Variants in SH3KBP1 observed in about 807,000 individuals in gnomAD.
The protein encoded by SH3KBP1 is SH3 domain-containing kinase-binding protein 1.
Under a neutral mutation model 50.1 loss-of-function variants are expected in SH3KBP1, and 8 were observed. That is an observed-to-expected ratio of 0.16 (90% CI 0.09 to 0.29). SH3KBP1 has a LOEUF of 0.29. Ranked by LOEUF, SH3KBP1 falls within the 10% of genes least tolerant of loss-of-function variation. The probability of loss-of-function intolerance (pLI) is 1.00; values close to 1 mark genes in which losing one functional copy is unlikely to be tolerated. For missense variants in SH3KBP1, 377 were observed against 535.2 expected (o/e 0.70, Z 2.92); for synonymous variants, 227 against 218.6 (o/e 1.04, Z -0.34).
chrX:19,614,681 T>C (rs1237516503), intron 8 of SH3KBP1, among the ~76,000 whole-genome samples: 1 of 111,721 alleles, frequency 9.0e-6, no homozygotes, highest in Non-Finnish European at 1.9e-5. Flanking sequence ...CAAGCTTTAA[T>C]GTGCATGCTT....
intron 3 of SH3KBP1, among the ~76,000 whole-genome samples, chrX:19,714,299 A>G (rs1424141818): frequency 9.0e-6 from 1 of 111,725 alleles, no homozygotes; most frequent in Non-Finnish European, 1.9e-5. Flanking sequence ...ACAGGATGAT[A>G]TAGTCAATAA....
intron 8 of SH3KBP1, among the ~76,000 whole-genome samples, chrX:19,624,294 CTG>C (rs1215509902): frequency 1.8e-5 from 2 of 109,850 alleles, no homozygotes; most frequent in African/African-American, 3.3e-5. Context: ...TTTTTTTTTT[CTG>C]TGTGTTGCAG....
intron 2 of SH3KBP1, among the ~76,000 whole-genome samples, chrX:19,810,370 C>T (rs2067169217): frequency 8.9e-6 from 1 of 112,516 alleles, no homozygotes; most frequent in Non-Finnish European, 1.9e-5. Context: ...TGAATGAAGA[C>T]AGGACTAAAT....
At chrX:19,605,306 T>G (rs913512200) in intron 9 of SH3KBP1, among the ~76,000 whole-genome samples, 8 of 111,786 alleles carry the variant, frequency 7.2e-5, no homozygotes, top group African/African-American at 2.6e-4. Flanking sequence ...CATATGGTAA[T>G]TAGCTAGATT....
chrX:19,539,908 C>T (rs1325707308), intron 16 of SH3KBP1, among the ~76,000 whole-genome samples: 1 of 111,794 alleles, frequency 8.9e-6, no homozygotes, highest in South Asian at 3.8e-4. Context: ...TTCCCACCAA[C>T]TATTTGCAGG....
At chrX:19,715,898 T>A (rs1442179144) in intron 3 of SH3KBP1, among the ~76,000 whole-genome samples, 1 of 110,691 alleles carries the variant, frequency 9.0e-6, no homozygotes, top group Non-Finnish European at 1.9e-5. Flanking sequence ...TATGATTCAT[T>A]AACAAACACT....
intron 2 of SH3KBP1, among the ~76,000 whole-genome samples, chrX:19,812,429 C>T (rs771458448): frequency 4.5e-5 from 5 of 111,108 alleles, no homozygotes; most frequent in East Asian, 5.6e-4. Context: ...CCTTAGCCTG[C>T]GAGTGGGGCA....
intron 2 of SH3KBP1, among the ~76,000 whole-genome samples, chrX:19,764,723 C>T (rs757097794): frequency 9.0e-6 from 1 of 110,531 alleles, no homozygotes; most frequent in Admixed American, 9.7e-5. Context: ...AGTCCTATGT[C>T]GGGGGTAGTG....
At chrX:19,708,443 T>C (rs916189298) in intron 3 of SH3KBP1, among the ~76,000 whole-genome samples, 1 of 111,967 alleles carries the variant, frequency 8.9e-6, no homozygotes, top group Non-Finnish European at 1.9e-5. Flanking sequence ...TAGATGCTGA[T>C]GGCACTGTCA....
intron 1 of SH3KBP1, among the ~76,000 whole-genome samples, chrX:19,856,507 T>C (rs1278916131): frequency 1.8e-5 from 2 of 111,906 alleles, no homozygotes; most frequent in African/African-American, 6.5e-5. Flanking sequence ...CTTCCTTTTC[T>C]CACCTCGAAT....
Position 19,608,062 on chromosome X carries a change from C to T in SH3KBP1, c.898-17G>A. 8.4e-7 allele frequency: 1 copy of T among 1,185,800 alleles called. No individual in the cohort carries two copies. Among genetic ancestry groups the T allele is most frequent in the Non-Finnish European group, 1.1e-6 (1 of 873,532 alleles). ...GATGCAGTCCTAGAAAACAGGAGAA[C>T]AGAGAGTGAGAGATGGGGGCAAGCA... On this transcript the variant is annotated splice_polypyrimidine_tract_variant and intron_variant, in intron 8 of 17. Coordinates refer to ENST00000397821, the MANE Select transcript of SH3KBP1 (RefSeq NM_031892.3).
At chrX:19,864,316 AC>A (rs112503138) in intron 1 of SH3KBP1, among the ~76,000 whole-genome samples, 2 of 109,304 alleles carry the variant, frequency 1.8e-5, no homozygotes, top group African/African-American at 6.7e-5. Flanking sequence ...GCAGAACAAC[AC>A]CCCCCCACCC....
In SH3KBP1 at chrX:19,576,079, T is replaced by C. The variant is rs141509736; in HGVS notation, c.1299-6891A>G. 6.2e-3 allele frequency among the ~76,000 whole-genome samples: 694 copies of C among 112,673 alleles called. 1 individual carries two copies. Among genetic ancestry groups the C allele is most frequent in the Non-Finnish European group, 9.8e-3 (521 of 53,351 alleles). Reference sequence around the variant, plus strand: ...TAAGAGAAGTCAGGAGATACTACCATATATCCAAAGACATCAGAAGAAAGT... The same window carrying C: ...TAAGAGAAGTCAGGAGATACTACCACATATCCAAAGACATCAGAAGAAAGT... On this transcript the variant is annotated intron_variant, in intron 12 of 17. Coordinates refer to ENST00000397821, the MANE Select transcript of SH3KBP1 (RefSeq NM_031892.3).
In SH3KBP1 at chrX:19,594,953, C is replaced by T; in HGVS notation, c.1053G>A (p.Gly351=). 1 of 1,194,961 alleles carries T rather than the reference C, an allele frequency of 8.4e-7. No individual in the cohort carries two copies. The highest frequency in any genetic ancestry group is 1.1e-6 in the Non-Finnish European group (1 of 880,480). The change falls in exon 10 of 18, where the codon GGG becomes GGA. Residue 351 remains glycine (G), a synonymous_variant. Transcript: ENST00000397821. ...PPPSAPVIKQ[G]AGTTERKHEI... ...TGGAACTGAAAGGTACATTACCTGC[C>T]CCTTGTTTGATGACAGGAGCGGATG...
At chrX:19,722,862 T>C (rs915782403) in intron 3 of SH3KBP1, among the ~76,000 whole-genome samples, 1 of 109,144 alleles carries the variant, frequency 9.2e-6, no homozygotes, top group Non-Finnish European at 1.9e-5. Flanking sequence ...CAACCAGGCA[T>C]GCTGGCTCAT....
At chrX:19,748,431 G>C (rs2038551533) in intron 2 of SH3KBP1, among the ~76,000 whole-genome samples, 1 of 111,399 alleles carries the variant, frequency 9.0e-6, no homozygotes, top group Non-Finnish European at 1.9e-5. Context: ...CTTCAGAGCA[G>C]CACGTGGGGA....
chrX:19,829,680 A>G (rs1383569796), intron 2 of SH3KBP1, among the ~76,000 whole-genome samples: 2 of 101,325 alleles, frequency 2.0e-5, no homozygotes, highest in Non-Finnish European at 4.0e-5. Context: ...CGGGAGGCAG[A>G]GGTCGTAGTG....
At chrX:19,759,603 G>A (rs2065317349) in intron 2 of SH3KBP1, among the ~76,000 whole-genome samples, 1 of 111,842 alleles carries the variant, frequency 8.9e-6, no homozygotes, top group Non-Finnish European at 1.9e-5. Flanking sequence ...AAAGCTTTTA[G>A]ACAGCTGGGC....
chrX:19,604,612 C>G (rs760379609), intron 9 of SH3KBP1, among the ~76,000 whole-genome samples: 5 of 111,871 alleles, frequency 4.5e-5, no homozygotes, highest in Non-Finnish European at 9.4e-5. Flanking sequence ...CAGAACGTTT[C>G]AGACTCTAGC....
Sources: allele counts gnomAD v4.1 joint callset (sites outside exome capture counted in the v4.1 genomes callset), GRCh38; gene constraint gnomAD v4.1.1; transcripts MANE v1.5; gene names NCBI Gene and HGNC (gene_info 2026-07-23, HGNC 2026-07-21).